IQSEC3: variants seen among roughly 807,000 people sequenced by gnomAD.
IQSEC3 encodes IQ motif and SEC7 domain-containing protein 3.
A neutral mutation model predicts 105.4 loss-of-function variants in IQSEC3; 50 were observed. The observed-to-expected ratio is 0.47, with a 90% CI of 0.38 to 0.60. The LOEUF (loss-of-function observed/expected upper bound fraction) is 0.60. IQSEC3 is among the 20% of genes least tolerant of loss of function. IQSEC3 has a pLI of 0.00. For missense variants in IQSEC3, 1,415 were observed against 1,630.0 expected (o/e 0.87, Z 2.27); for synonymous variants, 708 against 746.0 (o/e 0.95, Z 0.83).
intron 2 of IQSEC3, among the ~76,000 whole-genome samples, chr12:102,602 C>T (rs1864462926): frequency 6.6e-6 from 1 of 152,200 alleles, no homozygotes; most frequent in South Asian, 2.1e-4. Flanking sequence ...GAGCCTCACC[C>T]CTCCCGAAGA....
At chr12:113,454 C>T (rs1864957276) in intron 2 of IQSEC3, among the ~76,000 whole-genome samples, 1 of 152,256 alleles carries the variant, frequency 6.6e-6, no homozygotes, top group Non-Finnish European at 1.5e-5. Context: ...GGAGCAGAGG[C>T]TTTAAACCTG....
chr12:118,440 G>A (rs1018211411), intron 2 of IQSEC3, among the ~76,000 whole-genome samples: 6 of 150,994 alleles, frequency 4.0e-5, no homozygotes, highest in Non-Finnish European at 7.4e-5. Flanking sequence ...GGGACGTGAC[G>A]CATGTTGTTA....
intron 1 of IQSEC3, among the ~76,000 whole-genome samples, chr12:92,138 G>T (rs1171874771): frequency 6.6e-6 from 1 of 152,190 alleles, no homozygotes; most frequent in African/African-American, 2.4e-5. Flanking sequence ...TCAATATGGG[G>T]GATTTGGGAC....
intron 1 of IQSEC3, among the ~76,000 whole-genome samples, chr12:72,938 C>G (rs1391379542): frequency 7.6e-6 from 1 of 131,612 alleles, no homozygotes; most frequent in African/African-American, 2.9e-5. Context: ...CCCAGGTACT[C>G]GGGAGGCTGA....
At chr12:110,297 C>T (rs537753113) in intron 2 of IQSEC3, among the ~76,000 whole-genome samples, 30 of 152,202 alleles carry the variant, frequency 2.0e-4, no homozygotes, top group African/African-American at 7.2e-4. Context: ...ATCAGGCCAG[C>T]TTTTGTCACA....
In IQSEC3 at chr12:163,557, A is replaced by C. The variant is rs782406472; in HGVS notation, c.2647A>C (p.Asn883His). The C allele has an allele frequency of 1.2e-6, 2 of 1,611,528 alleles. No individual in the cohort carries two copies. Residue 883 changes from asparagine to histidine, a missense_variant, in exon 9 of 14, where the codon AAC becomes CAC. Asn to His is a moderately conservative substitution (Grantham distance 68). This residue lies in a region of IQSEC3 where 419 missense variants were observed against 436.2 expected (regional missense o/e 0.96). Transcript: ENST00000538872. The stretch of plus-strand genomic sequence containing the variant: ...CCGGCTCTTCGAGGTGACGGATGTG[A>C]ACAAGCTGCAGAAGCAGGCAGCGCA... ...CSRLFEVTDV[N>H]KLQKQAAHQR...
chr12:163,641 A>ACTGGG (rs782475020), intron 9 of IQSEC3, 22 bp downstream of exon 9: 13 of 1,347,612 alleles, frequency 9.6e-6, no homozygotes, highest in Admixed American at 1.7e-5. Flanking sequence ...CCGCTCCGGG[A>ACTGGG]CTGGGCTGGG....
At chr12:78,103 C>T (rs1477527060) in intron 1 of IQSEC3, among the ~76,000 whole-genome samples, 3 of 151,018 alleles carry the variant, frequency 2.0e-5, no homozygotes, top group Non-Finnish European at 4.4e-5. Context: ...AAGGGAAGCG[C>T]GGCCCGGGCG....
chr12:119,349 G>C (rs1038241538), intron 2 of IQSEC3, among the ~76,000 whole-genome samples: 1 of 152,156 alleles, frequency 6.6e-6, no homozygotes. Context: ...GCTTAGCCTG[G>C]GGCCTATGGA....
At chr12:75,665 G>A (rs1183998536) in intron 1 of IQSEC3, among the ~76,000 whole-genome samples, 1 of 152,278 alleles carries the variant, frequency 6.6e-6, no homozygotes, top group African/African-American at 2.4e-5. Flanking sequence ...GCCTGAAGGG[G>A]ATGGGAGATG....
At chr12:150,218 G>C (rs1555092255) in intron 5 of IQSEC3, among the ~76,000 whole-genome samples, 1 of 152,204 alleles carries the variant, frequency 6.6e-6, no homozygotes, top group Non-Finnish European at 1.5e-5. Context: ...GAGCTGATGA[G>C]AATTCAGAAT....
At chr12:141,642 A>G (rs1866032323) in intron 5 of IQSEC3, 1 of 240,768 alleles carries the variant, frequency 4.2e-6, no homozygotes, top group Non-Finnish European at 8.0e-6. Flanking sequence ...TGCCTGGTGA[A>G]GAGCCCCTCA....
At chr12:83,591 A>AG (rs1434928725) in intron 1 of IQSEC3, among the ~76,000 whole-genome samples, 1 of 149,218 alleles carries the variant, frequency 6.7e-6, no homozygotes, top group Non-Finnish European at 1.5e-5. Flanking sequence ...GAAGAAGGGA[A>AG]GGGGGGCCAG....
In IQSEC3 at chr12:139,130, C is replaced by T. The variant is rs1346340935; in HGVS notation, c.1767C>T (p.Ala589=). The change falls in exon 4 of 14, where the codon GCC becomes GCT. Residue 589 remains alanine (A), a synonymous_variant. Coordinates refer to ENST00000538872, the MANE Select transcript of IQSEC3 (RefSeq NM_001170738.2). The stretch of plus-strand genomic sequence containing the variant: ...CGGAGGTGGGGAGAGGGGCCGAGGC[C>T]GAGGCAGGCGACTTGGAGCAGCTGA... ...ETAEVGRGAE[A]EAGDLEQLSS... is the part of the protein sequence containing the mutation. The T allele has an allele frequency of 6.6e-7, 1 of 1,519,938 alleles. No individual in the cohort carries two copies. The highest frequency in any genetic ancestry group is 8.8e-7 in the Non-Finnish European group (1 of 1,131,292). 94.2% of individuals were successfully genotyped at this position (1,519,938 alleles called of 1,614,324 possible).
At chr12:78,753 C>T (rs1361833143) in intron 1 of IQSEC3, among the ~76,000 whole-genome samples, 1 of 152,100 alleles carries the variant, frequency 6.6e-6, no homozygotes, top group African/African-American at 2.4e-5. Flanking sequence ...AATGGTACCA[C>T]CCTCCTGGGA....
At chr12:165,351 C>CT in intron 9 of IQSEC3, 83 bp from the exon 10 acceptor site, 1 of 1,004,624 alleles carries the variant, frequency 1.0e-6, no homozygotes, top group South Asian at 1.3e-5. Context: ...TTTGTGTGAT[C>CT]GTGCATCCCC....
At chr12:159,927 T>G (rs1866826103) in intron 7 of IQSEC3, among the ~76,000 whole-genome samples, 1 of 152,228 alleles carries the variant, frequency 6.6e-6, no homozygotes, top group African/African-American at 2.4e-5. Flanking sequence ...CTTTGTTTAC[T>G]TCCTTGACTT....
intron 1 of IQSEC3, among the ~76,000 whole-genome samples, chr12:75,832 G>C (rs1295858981): frequency 6.6e-6 from 1 of 152,258 alleles, no homozygotes; most frequent in African/African-American, 2.4e-5. Flanking sequence ...GGACCCCTGG[G>C]TCCAACAGCA....
At chr12:162,493 A>G (rs1760425795) in intron 8 of IQSEC3, among the ~76,000 whole-genome samples, 1 of 152,232 alleles carries the variant, frequency 6.6e-6, no homozygotes, top group Non-Finnish European at 1.5e-5. Context: ...CCTGTGTCCC[A>G]GGCAGCATGT....
Sources: gnomAD v4.1 joint callset for allele counts (sites outside exome capture counted in the v4.1 genomes callset) on GRCh38, gnomAD v4.1.1 for gene constraint, gnomAD v4.1.1 regional missense constraint, MANE v1.5 for transcripts, NCBI Gene and HGNC (gene_info 2026-07-23, HGNC 2026-07-21) for gene names.